The following SAE1 variants were observed in gnomAD, a reference collection of about 807,000 sequenced individuals.
SAE1 encodes SUMO-activating enzyme subunit 1.
In SAE1, 11 loss-of-function variants were observed where a neutral mutation model predicts 40.6. That is an observed-to-expected ratio of 0.27 (90% CI 0.17 to 0.45). The LOEUF (loss-of-function observed/expected upper bound fraction) is 0.45, where lower values mean the gene tolerates loss of function less well. Among genes scored for constraint, SAE1 ranks in the 20% least tolerant of loss-of-function variants. The pLI is 1.00. For missense variants in SAE1, 373 were observed against 427.3 expected (o/e 0.87, Z 1.12); for synonymous variants, 155 against 154.3 (o/e 1.00, Z -0.03).
In SAE1 at chr19:47,142,967, T is replaced by G. The variant is rs553498070; in HGVS notation, c.99-527T>G. Among the ~76,000 whole-genome samples, 5 of 152,330 alleles carry G rather than the reference T, an allele frequency of 3.3e-5. No individual in the cohort carries two copies. The South Asian group carries it at 1.0e-3, about 32-fold the overall frequency. The stretch of plus-strand genomic sequence containing the variant: ...GGACTATGTCTGATTCACCGCCTTA[T>G]TTCCACACCATAGAAGGATGCCTGG... On this transcript the variant is annotated intron_variant, in intron 1 of 8. Coordinates refer to ENST00000270225, the MANE Select transcript of SAE1 (RefSeq NM_005500.3).
intron 8 of SAE1, among the ~76,000 whole-genome samples, chr19:47,207,293 C>G (rs2058691346): frequency 6.6e-6 from 1 of 152,108 alleles, no homozygotes; most frequent in South Asian, 2.1e-4. Flanking sequence ...CTGACTAACA[C>G]TATTTGTATA....
At chr19:47,182,514 C>CGCGT (rs1568603213) in intron 6 of SAE1, among the ~76,000 whole-genome samples, 1 of 151,312 alleles carries the variant, frequency 6.6e-6, no homozygotes, top group African/African-American at 2.4e-5. Flanking sequence ...CGCACGCGCG[C>CGCGT]GCGCACACCA....
intron 8 of SAE1, among the ~76,000 whole-genome samples, chr19:47,204,299 G>A (rs558580825): frequency 7.3e-5 from 10 of 137,628 alleles, no homozygotes; most frequent in Non-Finnish European, 9.1e-5. Flanking sequence ...CCGGGTTCAC[G>A]CCATTCTCCT....
chr19:47,144,797 C>T (rs1483542734), intron 2 of SAE1, among the ~76,000 whole-genome samples: 1 of 152,128 alleles, frequency 6.6e-6, no homozygotes, highest in Non-Finnish European at 1.5e-5. Context: ...AACAAGTATC[C>T]AGTAATTAGG....
At position 47,135,111 on chromosome 19, in the gene SAE1, G is replaced by A. The variant is rs117180804; in HGVS notation, c.98+4083G>A. The stretch of plus-strand genomic sequence containing the variant: ...ATACTTTGATACAGGCATACAATGG[G>A]TAATAATCACATCAGGGTAAATGGG... On this transcript the variant is annotated intron_variant, in intron 1 of 8. Transcript: ENST00000270225. Among the ~76,000 whole-genome samples, 1,456 of 152,178 alleles carry A rather than the reference G, an allele frequency of 9.6e-3. 13 individuals carry two copies. Among genetic ancestry groups the A allele is most frequent in the South Asian group, 0.015 (73 of 4,824 alleles).
chr19:47,178,870 T>C (rs1375231125), intron 6 of SAE1, among the ~76,000 whole-genome samples: 1 of 152,128 alleles, frequency 6.6e-6, no homozygotes, highest in Non-Finnish European at 1.5e-5. Flanking sequence ...AGCTGTTCAA[T>C]ATAGTATTTT....
chr19:47,179,071 A>C (rs1281851693), intron 6 of SAE1, among the ~76,000 whole-genome samples: 3 of 151,668 alleles, frequency 2.0e-5, no homozygotes, highest in African/African-American at 7.3e-5. Flanking sequence ...GGGCGTCTGT[A>C]GTCTCAGCTA....
chr19:47,195,055 C>CTT (rs796120464), intron 6 of SAE1, among the ~76,000 whole-genome samples: 28 of 135,514 alleles, frequency 2.1e-4, no homozygotes, highest in African/African-American at 4.9e-4. Flanking sequence ...CCTGGCCAGT[C>CTT]TTTTTTTTTT....
At chr19:47,145,305 C>G (rs909447170) in intron 2 of SAE1, among the ~76,000 whole-genome samples, 1 of 151,950 alleles carries the variant, frequency 6.6e-6, no homozygotes, top group Non-Finnish European at 1.5e-5. Context: ...CCGGCCATGC[C>G]TGGCTAAGTT....
At chr19:47,147,170 G>A (rs2058259185) in intron 2 of SAE1, among the ~76,000 whole-genome samples, 1 of 144,020 alleles carries the variant, frequency 6.9e-6, no homozygotes, top group Non-Finnish European at 1.5e-5. Context: ...TGGACTGATA[G>A]TGATGAAATG....
intron 8 of SAE1, among the ~76,000 whole-genome samples, chr19:47,206,924 G>A (rs2058689563): frequency 1.3e-5 from 2 of 152,176 alleles, no homozygotes; most frequent in Admixed American, 1.3e-4. Flanking sequence ...ACTTCTTTCT[G>A]ATCCAAGCTC....
intron 5 of SAE1, among the ~76,000 whole-genome samples, chr19:47,158,800 G>A (rs1443048752): frequency 1.3e-5 from 2 of 152,190 alleles, no homozygotes; most frequent in Non-Finnish European, 2.9e-5. Flanking sequence ...ACCTGACCAA[G>A]GCCACACAGC....
intron 1 of SAE1, among the ~76,000 whole-genome samples, chr19:47,141,600 A>T (rs939777435): frequency 3.9e-5 from 6 of 152,224 alleles, no homozygotes; most frequent in Admixed American, 6.6e-5. Flanking sequence ...AGCCATGATA[A>T]AAAAGCCTTT....
rs1214440088 is a variant in SAE1, at chr19:47,150,335, T to C, written c.344T>C (p.Ile115Thr). The change falls in exon 3 of 9, where the codon ATA (isoleucine) becomes ACA (threonine). Residue 115 changes from isoleucine (I) to threonine (T), a missense_variant. Ile to Thr is a moderately conservative substitution (Grantham distance 89). Transcript: ENST00000270225. ...GATGTGAAGGTGGACACTGAGGATA[T>C]AGAGAAGAAACCAGAGTCATTTTTC... ...MVDVKVDTEDIEKKPESFFTQ... is the reference protein window; with the variant it reads ...MVDVKVDTEDTEKKPESFFTQ... The C allele has an allele frequency of 1.2e-6, 2 of 1,609,724 alleles. No individual in the cohort carries two copies. Among genetic ancestry groups the C allele is most frequent in the Non-Finnish European group, 1.7e-6 (2 of 1,178,688 alleles).
chr19:47,169,688 T>A (rs1160411840), intron 5 of SAE1, 130 bp from the exon 6 acceptor site: 2 of 696,488 alleles, frequency 2.9e-6, no homozygotes, highest in Non-Finnish European at 5.1e-6. Context: ...TTGGATCAAA[T>A]GGCCCCTGCT....
chr19:47,195,473 A>G (rs2058607758), intron 6 of SAE1, among the ~76,000 whole-genome samples: 1 of 152,196 alleles, frequency 6.6e-6, no homozygotes. Flanking sequence ...TCTGGTTCAC[A>G]ACCAAAATTA....
At chr19:47,183,876 T>C (rs1190414239) in intron 6 of SAE1, among the ~76,000 whole-genome samples, 4 of 152,214 alleles carry the variant, frequency 2.6e-5, no homozygotes, top group East Asian at 3.8e-4. Context: ...TCCCTGCTGC[T>C]TGTGACCAGG....
intron 6 of SAE1, among the ~76,000 whole-genome samples, chr19:47,193,600 T>C (rs1038951473): frequency 9.9e-5 from 15 of 151,138 alleles, no homozygotes; most frequent in African/African-American, 9.7e-5. Context: ...GGTGGGAGGA[T>C]CACCTGAGGT....
intron 6 of SAE1, among the ~76,000 whole-genome samples, chr19:47,173,466 C>T (rs1255755054): frequency 1.3e-5 from 2 of 152,122 alleles, no homozygotes; most frequent in African/African-American, 4.8e-5. Flanking sequence ...AGTTTTGTCC[C>T]CTCAGTTCAA....
Sources: allele counts gnomAD v4.1 joint callset (sites outside exome capture counted in the v4.1 genomes callset), GRCh38; gene constraint gnomAD v4.1.1; transcripts MANE v1.5; gene names NCBI Gene and HGNC (gene_info 2026-07-23, HGNC 2026-07-21).